SAMD4A: variants seen among roughly 807,000 people sequenced by gnomAD.
SAMD4A encodes the protein protein Smaug homolog 1.
SAMD4A carries 33 observed loss-of-function variants against 81.3 expected under a neutral mutation model. The observed-to-expected ratio is 0.41, with a 90% CI of 0.31 to 0.54. The LOEUF is 0.54. Among genes scored for constraint, SAMD4A ranks in the 20% least tolerant of loss-of-function variants. SAMD4A has a pLI of 0.37. For missense variants in SAMD4A, 854 were observed against 951.1 expected (o/e 0.90, Z 1.34); for synonymous variants, 389 against 382.1 (o/e 1.02, Z -0.21).
chr14:54,766,134 G>T (rs998278136), intron 8 of SAMD4A, among the ~76,000 whole-genome samples: 2 of 152,056 alleles, frequency 1.3e-5, no homozygotes, highest in South Asian at 4.2e-4. Context: ...ATTGTCAAAA[G>T]CCCGTACTGA....
At chr14:54,674,661 A>G (rs558135345) in intron 2 of SAMD4A, among the ~76,000 whole-genome samples, 52 of 152,366 alleles carry the variant, frequency 3.4e-4, no homozygotes, top group Admixed American at 1.1e-3. Flanking sequence ...AAGAGAATCT[A>G]TTGACATTCT....
At chr14:54,638,153 A>G (rs576423109) in intron 2 of SAMD4A, among the ~76,000 whole-genome samples, 1 of 152,324 alleles carries the variant, frequency 6.6e-6, no homozygotes, top group South Asian at 2.1e-4. Flanking sequence ...CCAGGGGCAA[A>G]AGAAAAGTCT....
chr14:54,648,150 A>G (rs535154982), intron 2 of SAMD4A, among the ~76,000 whole-genome samples: 3 of 152,360 alleles, frequency 2.0e-5, no homozygotes, highest in East Asian at 3.9e-4. Flanking sequence ...GCACCTGTAC[A>G]TGGATATAGA....
chr14:54,585,659 G>A (rs193247052), intron 2 of SAMD4A, among the ~76,000 whole-genome samples: 105 of 152,066 alleles, frequency 6.9e-4, no homozygotes, highest in African/African-American at 2.4e-3. Flanking sequence ...TTCACATAGC[G>A]TAACTCCCAC....
At chr14:54,565,600 G>A (rs1212152603), upstream of SAMD4A, among the ~76,000 whole-genome samples, 1 of 152,174 alleles carries the variant, frequency 6.6e-6, no homozygotes, top group East Asian at 1.9e-4. This position sits in a 1 kb window ranked among gnomAD's most constrained non-coding sequence, Gnocchi z 5.4. Context: ...CAGTGACCTC[G>A]GGTCTCACCG....
chr14:54,783,543 G>T (rs1354026504), intron 11 of SAMD4A, among the ~76,000 whole-genome samples: 10 of 152,192 alleles, frequency 6.6e-5, no homozygotes, highest in Non-Finnish European at 1.3e-4. Context: ...CGGTCAGTGG[G>T]AGCCGAGCCC....
Position 54,674,543 on chromosome 14 carries a change from G to A in SAMD4A, c.197-27519G>A, listed in dbSNP as rs370250746. On this transcript the variant is annotated intron_variant, in intron 2 of 12. Transcript: ENST00000554335. ...AGATACTGGTGTAGATACTGGTGTG[G>A]TTTCTACTGGTGTGGTTTCTACCAT... Among the ~76,000 whole-genome samples the A allele has an allele frequency of 6.0e-5, 9 of 151,120 alleles. 2 individuals carry two copies. The highest frequency in any genetic ancestry group is 1.7e-4 in the African/African-American group (7 of 41,098).
chr14:54,762,156 C>T (rs1359033399), intron 7 of SAMD4A, among the ~76,000 whole-genome samples: 1 of 152,186 alleles, frequency 6.6e-6, no homozygotes, highest in Non-Finnish European at 1.5e-5. Context: ...TCTACCTGGG[C>T]TACCCTCTGC....
At chr14:54,703,490 A>G in intron 3 of SAMD4A, 1 of 152,176 alleles carries the variant, frequency 6.6e-6, no homozygotes, top group East Asian at 1.9e-4. Context: ...GTGCCAAGAT[A>G]ACTTTCTTGA....
intron 4 of SAMD4A, among the ~76,000 whole-genome samples, chr14:54,740,493 A>G (rs2037819315): frequency 6.6e-6 from 1 of 152,244 alleles, no homozygotes; most frequent in East Asian, 1.9e-4. Flanking sequence ...AAAAGTTACT[A>G]TAGTTGAACT....
At chr14:54,740,712 T>C (rs972900111) in intron 4 of SAMD4A, among the ~76,000 whole-genome samples, 7 of 152,208 alleles carry the variant, frequency 4.6e-5, no homozygotes, top group African/African-American at 1.7e-4. Flanking sequence ...CATGCATGGA[T>C]CAAGCCCCCT....
At chr14:54,776,205 C>T (rs2038843018) in intron 10 of SAMD4A, among the ~76,000 whole-genome samples, 2 of 151,972 alleles carry the variant, frequency 1.3e-5, no homozygotes, top group Admixed American at 6.6e-5. Flanking sequence ...TACAGCAAGG[C>T]CACCACTGAG....
chr14:54,733,631 A>G (rs1230560407), intron 3 of SAMD4A, among the ~76,000 whole-genome samples: 1 of 152,068 alleles, frequency 6.6e-6, no homozygotes, highest in East Asian at 1.9e-4. Flanking sequence ...TTTTAAAGGT[A>G]TACTTAATTT....
chr14:54,668,655 G>A (rs867285459), intron 2 of SAMD4A: 1 of 152,194 alleles, frequency 6.6e-6, no homozygotes, highest in Non-Finnish European at 1.5e-5. Context: ...CCAAGGAAAA[G>A]AAAGAAGATA....
chr14:54,678,971 A>G (rs1566580249), intron 2 of SAMD4A, among the ~76,000 whole-genome samples: 1 of 152,126 alleles, frequency 6.6e-6, no homozygotes, highest in African/African-American at 2.4e-5. Flanking sequence ...TCTCTGTGCT[A>G]TGTAAGGTTT....
chr14:54,692,464 A>G (rs1244712309), intron 2 of SAMD4A, among the ~76,000 whole-genome samples: 1 of 152,212 alleles, frequency 6.6e-6, no homozygotes, highest in East Asian at 1.9e-4. Context: ...TTACGTGGAC[A>G]ATGCCGTGCT....
At chr14:54,701,678 C>T (rs1357012093) in intron 2 of SAMD4A, among the ~76,000 whole-genome samples, 1 of 152,232 alleles carries the variant, frequency 6.6e-6, no homozygotes, top group African/African-American at 2.4e-5. Context: ...GGAATGGGAC[C>T]TTTGTTCATA....
chr14:54,743,809 A>C (rs537036625), intron 4 of SAMD4A, among the ~76,000 whole-genome samples: 1 of 152,330 alleles, frequency 6.6e-6, no homozygotes, highest in Admixed American at 6.5e-5. Context: ...AACGAGGCCC[A>C]AGACCAATCC....
At chr14:54,650,018 C>G (rs542913640) in intron 2 of SAMD4A, among the ~76,000 whole-genome samples, 65 of 152,302 alleles carry the variant, frequency 4.3e-4, no homozygotes, top group African/African-American at 1.4e-3. Flanking sequence ...TGATATACCA[C>G]TAGGGCAAGA....
Sources: allele counts gnomAD v4.1 joint callset (sites outside exome capture counted in the v4.1 genomes callset), GRCh38; gene constraint gnomAD v4.1.1; non-coding constraint Gnocchi (gnomAD v3.1); transcripts MANE v1.5; gene names NCBI Gene and HGNC (gene_info 2026-07-23, HGNC 2026-07-21).